ELAVL2: variants seen among roughly 807,000 people sequenced by gnomAD.
ELAVL2 encodes the protein ELAV like RNA binding protein 2, also known as ELAV-like protein 2.
ELAVL2 carries 4 observed loss-of-function variants against 34.6 expected under a neutral mutation model. The ratio of observed to expected loss-of-function variants is 0.12; its 90% confidence interval spans 0.06 to 0.26. The LOEUF is 0.26. Among genes scored for constraint, ELAVL2 ranks in the 10% least tolerant of loss-of-function variants. The pLI is 1.00. For synonymous variants in ELAVL2, 193 were observed against 154.8 expected (o/e 1.25, Z -1.83); for missense variants, 432 against 442.8 (o/e 0.98, Z 0.22).
At chr9:23,719,798 A>G (rs1034982993) in intron 3 of ELAVL2, among the ~76,000 whole-genome samples, 1 of 150,998 alleles carries the variant, frequency 6.6e-6, no homozygotes, top group Admixed American at 6.6e-5. Context: ...AAATAAGACA[A>G]ATTTTTATTA....
At chr9:23,776,537 T>C (rs780526897) in intron 1 of ELAVL2, among the ~76,000 whole-genome samples, 2 of 152,100 alleles carry the variant, frequency 1.3e-5, no homozygotes, top group Non-Finnish European at 2.9e-5. Flanking sequence ...ATCTACTGCA[T>C]GTACCAAGCG....
chr9:23,741,569 T>C (rs748191756), intron 2 of ELAVL2, among the ~76,000 whole-genome samples: 1 of 152,096 alleles, frequency 6.6e-6, no homozygotes, highest in Non-Finnish European at 1.5e-5. Context: ...CTTATCTACT[T>C]AGGCTCTTAA....
chr9:23,770,536 A>G (rs991925665), intron 1 of ELAVL2, among the ~76,000 whole-genome samples: 3 of 152,220 alleles, frequency 2.0e-5, no homozygotes, highest in Non-Finnish European at 4.4e-5. Flanking sequence ...AAGGTTCCTT[A>G]TAAGTGAAAG....
intron 1 of ELAVL2, among the ~76,000 whole-genome samples, chr9:23,813,412 CT>C (rs559247550): frequency 0.064 from 8,454 of 132,706 alleles, 444 homozygotes; most frequent in Admixed American, 0.15. Context: ...CTCATATCGG[CT>C]TTTTTTTTTT....
intron 2 of ELAVL2, among the ~76,000 whole-genome samples, chr9:23,752,100 T>C (rs1476786550): frequency 6.6e-6 from 1 of 151,996 alleles, no homozygotes; most frequent in East Asian, 1.9e-4. Context: ...TTTTTACCTA[T>C]GGGGGGAAAA....
At chr9:23,795,872 C>T (rs1431626586) in intron 1 of ELAVL2, among the ~76,000 whole-genome samples, 1 of 152,184 alleles carries the variant, frequency 6.6e-6, no homozygotes, top group Non-Finnish European at 1.5e-5. Context: ...GCTAAACAAT[C>T]ATTTTTAATA....
At chr9:23,825,339 T>A (rs2065232909) in intron 1 of ELAVL2, among the ~76,000 whole-genome samples, 1 of 152,220 alleles carries the variant, frequency 6.6e-6, no homozygotes, top group Non-Finnish European at 1.5e-5. Flanking sequence ...ACATGCTATC[T>A]GGTTAATGCA....
chr9:23,765,764 A>G (rs555426153), intron 1 of ELAVL2, among the ~76,000 whole-genome samples: 2 of 152,286 alleles, frequency 1.3e-5, no homozygotes, highest in African/African-American at 4.8e-5. Context: ...TGGACCGATA[A>G]ATAGGATTGT....
At chr9:23,712,776 G>C (rs1370493362) in intron 3 of ELAVL2, among the ~76,000 whole-genome samples, 2 of 152,084 alleles carry the variant, frequency 1.3e-5, no homozygotes, top group East Asian at 1.9e-4. Flanking sequence ...TATTAGTCAA[G>C]GCAGTTGATC....
upstream of ELAVL2, chr9:23,830,217 C>G (rs10966091): frequency 0.31 from 46,601 of 152,240 alleles, 7,785 homozygotes; most frequent in Middle Eastern, 0.41. Context: ...TCCCTCCCCC[C>G]GTTCTTCTCC....
intron 1 of ELAVL2, among the ~76,000 whole-genome samples, chr9:23,793,163 A>C (rs1423069779): frequency 5.9e-5 from 9 of 152,204 alleles, no homozygotes; most frequent in African/African-American, 1.9e-4. Context: ...GCTGGAAGAA[A>C]GAAGTTCTGA....
At chr9:23,753,253 T>C (rs2052604778) in intron 2 of ELAVL2, among the ~76,000 whole-genome samples, 1 of 152,116 alleles carries the variant, frequency 6.6e-6, no homozygotes, top group African/African-American at 2.4e-5. Flanking sequence ...GTAGCAGCAG[T>C]GTACTCAGCT....
chr9:23,762,961 T>A (rs895856778), intron 1 of ELAVL2, among the ~76,000 whole-genome samples: 1 of 152,078 alleles, frequency 6.6e-6, no homozygotes, highest in Non-Finnish European at 1.5e-5. Flanking sequence ...GACACTCCTG[T>A]CAACCTTGGC....
At chr9:23,832,314 A>G in the ELAVL2 span, 13 of 152,186 alleles carry the variant, frequency 8.5e-5, no homozygotes, top group Admixed American at 7.9e-4. Context: ...CCCTTTACCC[A>G]GGTAATTACT....
intron 4 of ELAVL2, among the ~76,000 whole-genome samples, chr9:23,703,705 T>G (rs1017492411): frequency 7.2e-5 from 11 of 152,152 alleles, no homozygotes; most frequent in African/African-American, 2.7e-4. Flanking sequence ...GAATTAGACA[T>G]TGTAATATAC....
chr9:23,735,865 G>C lies in ELAVL2; in HGVS notation c.230-4740C>G, dbSNP rs575414899. 4.6e-5 allele frequency among the ~76,000 whole-genome samples: 7 copies of C among 152,270 alleles called. No individual in the cohort carries two copies. The South Asian group carries it at 1.5e-3, about 32-fold the overall frequency. On this transcript the variant is annotated intron_variant, in intron 2 of 6. Transcript: ENST00000397312. ...TCTGAAGAGGACCAAAGACTACTGA[G>C]AGCAGGGTTCAGAGCAAGGAGAGGA...
intron 1 of ELAVL2, among the ~76,000 whole-genome samples, chr9:23,762,721 G>C (rs2055324781): frequency 1.3e-5 from 2 of 152,062 alleles, no homozygotes. Flanking sequence ...AAAACTGACA[G>C]ATAGCCATTA....
chr9:23,779,636 C>G (rs1458213209), intron 1 of ELAVL2, among the ~76,000 whole-genome samples: 1 of 151,964 alleles, frequency 6.6e-6, no homozygotes, highest in African/African-American at 2.4e-5. Flanking sequence ...AGGTAATCAA[C>G]TCACCATTCT....
chr9:23,719,796 C>A (rs1228507099), intron 3 of ELAVL2, among the ~76,000 whole-genome samples: 1 of 148,270 alleles, frequency 6.7e-6, no homozygotes, highest in Non-Finnish European at 1.5e-5. Flanking sequence ...AAAAATAAGA[C>A]AAATTTTTAT....
Sources: allele counts gnomAD v4.1 joint callset (sites outside exome capture counted in the v4.1 genomes callset), GRCh38; gene constraint gnomAD v4.1.1; transcripts MANE v1.5; gene names NCBI Gene and HGNC (gene_info 2026-07-23, HGNC 2026-07-21).